The following BTBD10 variants were observed in gnomAD, a reference collection of about 807,000 sequenced individuals.
The protein encoded by BTBD10 is BTB/POZ domain-containing protein 10.
BTBD10 carries 21 observed loss-of-function variants against 53.2 expected under a neutral mutation model. That is an observed-to-expected ratio of 0.39 (90% CI 0.28 to 0.57). The LOEUF (loss-of-function observed/expected upper bound fraction) is 0.57. Among genes scored for constraint, BTBD10 ranks in the 20% least tolerant of loss-of-function variants. The pLI is 0.53. For missense variants in BTBD10, 360 were observed against 594.7 expected (o/e 0.61, Z 4.10); for synonymous variants, 149 against 192.7 (o/e 0.77, Z 1.88).
chr11:13,421,708 T>C lies in BTBD10; in HGVS notation c.232A>G (p.Arg78Gly). 6.2e-7 allele frequency: 1 copy of C among 1,614,086 alleles called. No homozygotes were observed. Among genetic ancestry groups the C allele is most frequent in the Non-Finnish European group, 8.5e-7 (1 of 1,179,960 alleles). The change falls in exon 3 of 9, where the codon AGA becomes GGA. Residue 78 changes from arginine to glycine, a missense_variant. By Grantham distance (125) the Arg-to-Gly change is moderately radical (BLOSUM62 -2). Transcript: ENST00000278174. ...SDRSRDSSHE[R>G]TESQLTPCIR... ...CAAGGAGTGAGCTGAGACTCCGTTC[T>C]TTCATGAGATGAATCTCGTGATCTG...
At chr11:13,400,198 G>A (rs535647549) in intron 8 of BTBD10, among the ~76,000 whole-genome samples, 3 of 152,370 alleles carry the variant, frequency 2.0e-5, no homozygotes, top group South Asian at 2.1e-4. Flanking sequence ...GCTCCACCCA[G>A]TTCGAGCTTC....
chr11:13,438,101 T>C (rs1237386550), intron 2 of BTBD10, among the ~76,000 whole-genome samples: 2 of 152,148 alleles, frequency 1.3e-5, no homozygotes, highest in South Asian at 2.1e-4. Context: ...TTCCCTCTCA[T>C]TGTCATGCAT....
chr11:13,417,321 G>C (rs1334330161), intron 4 of BTBD10, 61 bp from the exon 5 acceptor site: 1 of 1,209,206 alleles, frequency 8.3e-7, no homozygotes, highest in East Asian at 2.4e-5. Flanking sequence ...AGGGAAAATA[G>C]ATTTCATGTA....
chr11:13,405,997 A>G lies in BTBD10; in HGVS notation c.809-141T>C, dbSNP rs574702519. On this transcript the variant is annotated intron_variant, in intron 6 of 8. Transcript: ENST00000278174. ...TACACATCATGAAATAACTTGCCTAATATTACAAAACTAATTTGCAAAGTC... is the reference window on the plus strand; with the variant it reads ...TACACATCATGAAATAACTTGCCTAGTATTACAAAACTAATTTGCAAAGTC... 6 of 757,008 alleles carry G rather than the reference A, an allele frequency of 7.9e-6. No homozygotes were observed. The East Asian group carries it at 1.3e-4, about 17-fold the overall frequency. The allele number at this position is 757,008 out of a possible 1,614,324, so 46.9% of individuals were successfully genotyped here.
chr11:13,392,510 C>A (rs930159096), intron 8 of BTBD10, among the ~76,000 whole-genome samples: 11 of 152,024 alleles, frequency 7.2e-5, no homozygotes, highest in Admixed American at 2.0e-4. Context: ...TGAGTAAATT[C>A]TACTCTTTAA....
chr11:13,434,390 G>A (rs542531190), intron 2 of BTBD10, among the ~76,000 whole-genome samples: 2 of 152,134 alleles, frequency 1.3e-5, no homozygotes, highest in African/African-American at 4.8e-5. Flanking sequence ...ACCTAAAAAC[G>A]TAAGAAATAG....
chr11:13,420,496 G>A (rs772662683), intron 3 of BTBD10, among the ~76,000 whole-genome samples: 59 of 151,932 alleles, frequency 3.9e-4, no homozygotes, highest in Non-Finnish European at 4.7e-4. Context: ...TTCTTAAGAT[G>A]TTCTAATAGT....
intron 2 of BTBD10, among the ~76,000 whole-genome samples, chr11:13,424,831 G>A (rs1218162589): frequency 2.6e-5 from 4 of 152,120 alleles, no homozygotes; most frequent in East Asian, 1.9e-4. Context: ...AATGGAAAGC[G>A]AATGAGATAT....
intron 8 of BTBD10, among the ~76,000 whole-genome samples, chr11:13,396,782 G>C (rs148843621): frequency 6.6e-6 from 1 of 152,134 alleles, no homozygotes; most frequent in Non-Finnish European, 1.5e-5. Context: ...GGCCTTTTCT[G>C]CATCTATTGA....
intron 8 of BTBD10, among the ~76,000 whole-genome samples, chr11:13,400,923 C>G (rs1359801617): frequency 6.6e-6 from 1 of 151,942 alleles, no homozygotes; most frequent in East Asian, 1.9e-4. Context: ...AGAAATTTGA[C>G]AAAACAAGCA....
chr11:13,456,858 C>G (rs960482857), intron 1 of BTBD10, among the ~76,000 whole-genome samples: 1 of 152,138 alleles, frequency 6.6e-6, no homozygotes, highest in South Asian at 2.1e-4. Flanking sequence ...GCATACACTG[C>G]CAATGAAAAG....
At chr11:13,451,413 CAG>C (rs749644790) in intron 1 of BTBD10, among the ~76,000 whole-genome samples, 52 of 152,278 alleles carry the variant, frequency 3.4e-4, no homozygotes, top group Middle Eastern at 3.4e-3. Context: ...AAAGAACCCA[CAG>C]AGAGGGTGAA....
intron 2 of BTBD10, among the ~76,000 whole-genome samples, chr11:13,422,507 G>A (rs549457745): frequency 6.6e-6 from 1 of 152,222 alleles, no homozygotes; most frequent in South Asian, 2.1e-4. Context: ...AATCAGCTGG[G>A]TGTGGTGGCA....
chr11:13,411,973 A>T (rs1949960234), intron 6 of BTBD10, among the ~76,000 whole-genome samples: 1 of 152,014 alleles, frequency 6.6e-6, no homozygotes, highest in Admixed American at 6.5e-5. Context: ...CTGGAATTAC[A>T]GGCATGCACC....
At chr11:13,432,502 T>C (rs1288063105) in intron 2 of BTBD10, among the ~76,000 whole-genome samples, 1 of 152,154 alleles carries the variant, frequency 6.6e-6, no homozygotes, top group South Asian at 2.1e-4. Flanking sequence ...GGGAACTCAC[T>C]GTACGATTTT....
intron 2 of BTBD10, among the ~76,000 whole-genome samples, chr11:13,433,994 C>A (rs994243759): frequency 2.6e-5 from 4 of 152,102 alleles, no homozygotes; most frequent in Admixed American, 6.5e-5. Context: ...AAGGGAAGTT[C>A]TCAACTGAAG....
intron 2 of BTBD10, among the ~76,000 whole-genome samples, chr11:13,428,953 T>G (rs1950397184): frequency 6.6e-6 from 1 of 152,168 alleles, no homozygotes; most frequent in South Asian, 2.1e-4. Flanking sequence ...TAAAATGAAC[T>G]TTATTTCTAT....
At chr11:13,444,638 T>G in intron 2 of BTBD10, among the ~76,000 whole-genome samples, 1 of 152,108 alleles carries the variant, frequency 6.6e-6, no homozygotes, top group Non-Finnish European at 1.5e-5. Flanking sequence ...AAGCAAACAC[T>G]GACATAAATC....
At chr11:13,394,752 T>A (rs1056233937) in intron 8 of BTBD10, among the ~76,000 whole-genome samples, 4 of 148,832 alleles carry the variant, frequency 2.7e-5, no homozygotes, top group Admixed American at 6.7e-5. Context: ...TGTCCATGTG[T>A]TCTCATTGTT....
Sources: allele counts gnomAD v4.1 joint callset (sites outside exome capture counted in the v4.1 genomes callset), GRCh38; gene constraint gnomAD v4.1.1; transcripts MANE v1.5; gene names NCBI Gene and HGNC (gene_info 2026-07-23, HGNC 2026-07-21).